The following SERPINB8 variants were observed in gnomAD, a reference collection of about 807,000 sequenced individuals.
SERPINB8 encodes serpin B8.
SERPINB8 carries 25 observed loss-of-function variants against 35.3 expected under a neutral mutation model. The ratio of observed to expected loss-of-function variants is 0.71; its 90% CI spans 0.52 to 0.99. SERPINB8 has a LOEUF of 0.99. Among genes scored for constraint, SERPINB8 ranks in the 50% least tolerant of loss-of-function variants. The pLI is 0.00. For synonymous variants in SERPINB8, 186 were observed against 160.8 expected (o/e 1.16, Z -1.19); for missense variants, 484 against 446.5 (o/e 1.08, Z -0.76).
intron 4 of SERPINB8, among the ~76,000 whole-genome samples, chr18:63,982,229 G>A (rs1599144194): frequency 6.6e-6 from 1 of 152,146 alleles, no homozygotes; most frequent in Admixed American, 6.5e-5. Flanking sequence ...GTGGTAATGG[G>A]ACAGCTCAGT....
intron 7 of SERPINB8, among the ~76,000 whole-genome samples, chr18:64,014,941 A>T (rs2050942658): frequency 6.6e-6 from 1 of 152,072 alleles, no homozygotes; most frequent in African/African-American, 2.4e-5. Context: ...TATTAAGCAC[A>T]TTTTTTTAAA....
chr18:63,992,872 C>T (rs561418027), downstream of SERPINB8, among the ~76,000 whole-genome samples: 8 of 151,996 alleles, frequency 5.3e-5, no homozygotes, highest in African/African-American at 1.2e-4. Context: ...AATTGTCAGT[C>T]GGCCGTTTGG....
chr18:63,987,894 A>G lies in SERPINB8; in HGVS notation c.*616A>G, dbSNP rs894740296. On this transcript the variant is annotated 3_prime_UTR_variant, in exon 7 of 7. Transcript: ENST00000397985. ...TTTAGGACTGAGCTAGGAGGCAAAT[A>G]TCTGAAGCTTGCTATGCTGTTCTTT... is the stretch of plus-strand genomic sequence containing the variant. 1 of 152,310 alleles carries G rather than the reference A, an allele frequency of 6.6e-6. No individual in the cohort carries two copies. The highest frequency in any genetic ancestry group is 2.4e-5 in the African/African-American group (1 of 41,452). 9.4% of individuals were successfully genotyped at this position (152,310 alleles called of 1,614,324 possible). A position where few individuals can be genotyped will look rare whatever the true frequency, so the allele number is the denominator to read the frequency against.
intron 1 of SERPINB8, chr18:64,004,771 C>G (rs1011018882): frequency 2.5e-6 from 1 of 398,376 alleles, no homozygotes; most frequent in African/African-American, 2.1e-5. Flanking sequence ...TGTTTAGTGT[C>G]ATTATCTCCA....
chr18:63,983,478 C>A (rs563939438), intron 4 of SERPINB8, 101 bp from the exon 5 acceptor site: 8 of 1,102,382 alleles, frequency 7.3e-6, no homozygotes, highest in East Asian at 4.8e-5. Context: ...AGAACTCCAG[C>A]CTGTCTCTCA....
At chr18:63,984,082 A>T (rs563702710) in intron 5 of SERPINB8, among the ~76,000 whole-genome samples, 1 of 152,326 alleles carries the variant, frequency 6.6e-6, no homozygotes, top group South Asian at 2.1e-4. Context: ...CCTGGCCTCA[A>T]GTGATACACC....
At chr18:64,009,931 A>T (rs189893965), downstream of SERPINB8, among the ~76,000 whole-genome samples, 260 of 152,314 alleles carry the variant, frequency 1.7e-3, no homozygotes, top group South Asian at 7.7e-3. Flanking sequence ...CAATTGAAAA[A>T]ATCAACATTA....
chr18:64,013,437 C>T (rs1047738349), intron 7 of SERPINB8, among the ~76,000 whole-genome samples: 1 of 152,136 alleles, frequency 6.6e-6, no homozygotes, highest in Non-Finnish European at 1.5e-5. Flanking sequence ...TGGTATGTTT[C>T]CTTTTCCATT....
At chr18:63,982,620 A>T (rs1008041734) in intron 4 of SERPINB8, among the ~76,000 whole-genome samples, 1 of 152,138 alleles carries the variant, frequency 6.6e-6, no homozygotes, top group African/African-American at 2.4e-5. Context: ...AGCCAATACA[A>T]TAATTACCAT....
chr18:63,995,211 G>A (rs919792621), intron 1 of SERPINB8, among the ~76,000 whole-genome samples: 1 of 152,130 alleles, frequency 6.6e-6, no homozygotes, highest in Admixed American at 6.5e-5. Context: ...GACTTGAAGA[G>A]CCTCACGATC....
At chr18:63,984,339 ACT>A (rs2050717916) in intron 5 of SERPINB8, among the ~76,000 whole-genome samples, 1 of 152,132 alleles carries the variant, frequency 6.6e-6, no homozygotes, top group African/African-American at 2.4e-5. Context: ...TGATGCTATT[ACT>A]CTCTGTATTT....
intron 1 of SERPINB8, among the ~76,000 whole-genome samples, chr18:63,973,018 G>A (rs1453213133): frequency 2.0e-5 from 3 of 152,230 alleles, no homozygotes; most frequent in Non-Finnish European, 4.4e-5. Context: ...TAATGGGGTG[G>A]CTGGGTCAAA....
At chr18:64,010,506 A>G (rs1450798399), downstream of SERPINB8, among the ~76,000 whole-genome samples, 1 of 152,136 alleles carries the variant, frequency 6.6e-6, no homozygotes, top group Non-Finnish European at 1.5e-5. Context: ...ATGATATTGC[A>G]CTCATACAGT....
intron 1 of SERPINB8, among the ~76,000 whole-genome samples, chr18:63,977,138 A>T (rs1007146542): frequency 6.6e-6 from 1 of 152,176 alleles, no homozygotes; most frequent in Non-Finnish European, 1.5e-5. Flanking sequence ...ATTTTGTGTA[A>T]TGATTAAGAA....
At chr18:63,993,658 T>C (rs946460293), downstream of SERPINB8, among the ~76,000 whole-genome samples, 3 of 152,222 alleles carry the variant, frequency 2.0e-5, no homozygotes, top group African/African-American at 7.2e-5. Context: ...TGTTGACATG[T>C]CCAACTATAA....
chr18:64,015,508 T>G (rs2050945796), intron 7 of SERPINB8, among the ~76,000 whole-genome samples: 1 of 152,212 alleles, frequency 6.6e-6, no homozygotes. Context: ...TATGCTTTCC[T>G]TTCTGCATTG....
intron 1 of SERPINB8, among the ~76,000 whole-genome samples, chr18:64,000,839 T>C (rs1205441680): frequency 6.6e-6 from 1 of 152,220 alleles, no homozygotes; most frequent in Non-Finnish European, 1.5e-5. Flanking sequence ...TTTGGCTCAG[T>C]GTCTTAATGG....
chr18:64,002,643 C>A (rs922408567), intron 1 of SERPINB8, among the ~76,000 whole-genome samples: 1 of 152,292 alleles, frequency 6.6e-6, no homozygotes, highest in Non-Finnish European at 1.5e-5. Flanking sequence ...CCCCGCGGGG[C>A]CCTCGCGTGC....
At position 63,987,042 on chromosome 18, in the gene SERPINB8, G is replaced by T; in HGVS notation, c.889G>T (p.Ala297Ser). The T allele has an allele frequency of 9.3e-6, 15 of 1,614,154 alleles. No homozygotes were observed. Among genetic ancestry groups the T allele is most frequent in the Non-Finnish European group, 1.3e-5 (15 of 1,180,026 alleles). The stretch of plus-strand genomic sequence containing the variant: ...GATCGATGCTTTTGACGAAGCCAAG[G>T]CAGACTTTTCTGGAATGTCAACTGA... ...GMIDAFDEAK[A>S]DFSGMSTEKN... Residue 297 changes from alanine to serine, a missense_variant, in exon 7 of 7, where the codon GCA becomes TCA. Physicochemically the swap from Ala to Ser is moderately conservative, Grantham distance 99. Coordinates refer to ENST00000397985, the MANE Select transcript of SERPINB8 (RefSeq NM_002640.4).
Sources: gnomAD v4.1 joint callset for allele counts (sites outside exome capture counted in the v4.1 genomes callset) on GRCh38, gnomAD v4.1.1 for gene constraint, MANE v1.5 for transcripts, NCBI Gene and HGNC (gene_info 2026-07-23, HGNC 2026-07-21) for gene names.